Variants in TMEM132D observed in about 807,000 individuals in gnomAD.
The protein encoded by TMEM132D is mature OL transmembrane protein.
A neutral mutation model predicts 62.3 loss-of-function variants in TMEM132D; 21 were observed. That is an observed-to-expected ratio of 0.34 (90% CI 0.24 to 0.49). The LOEUF (loss-of-function observed/expected upper bound fraction) is 0.49, where lower values mean the gene tolerates loss of function less well. Among genes scored for constraint, TMEM132D ranks in the 20% least tolerant of loss-of-function variants. The pLI is 0.99. For missense variants in TMEM132D, 1,346 were observed against 1,402.8 expected (o/e 0.96, Z 0.65); for synonymous variants, 621 against 575.6 (o/e 1.08, Z -1.13).
At chr12:129,295,427 C>CTTTTTTT (rs556748373) in intron 4 of TMEM132D, among the ~76,000 whole-genome samples, 2 of 123,024 alleles carry the variant, frequency 1.6e-5, no homozygotes, top group Non-Finnish European at 3.3e-5. Context: ...TCATATTAGC[C>CTTTTTTT]TTTTTTTTTT....
At chr12:129,661,818 A>G (rs2137192268) in intron 2 of TMEM132D, among the ~76,000 whole-genome samples, 1 of 152,342 alleles carries the variant, frequency 6.6e-6, no homozygotes, top group South Asian at 2.1e-4. Context: ...GATTGGTCAG[A>G]CAACAAGATT....
chr12:129,418,394 G>T (rs1358540925), intron 3 of TMEM132D, among the ~76,000 whole-genome samples: 1 of 152,218 alleles, frequency 6.6e-6, no homozygotes, highest in Non-Finnish European at 1.5e-5. Context: ...AAAAGGATGA[G>T]TTCATGTCCT....
intron 7 of TMEM132D, among the ~76,000 whole-genome samples, chr12:129,079,620 TCTTTTC>T (rs941814627): frequency 6.6e-6 from 1 of 152,208 alleles, no homozygotes; most frequent in Non-Finnish European, 1.5e-5. Context: ...GACCTCTTTC[TCTTTTC>T]AAGTTTTTGG....
At chr12:129,679,201 G>A (rs981779743) in intron 2 of TMEM132D, among the ~76,000 whole-genome samples, 10 of 151,746 alleles carry the variant, frequency 6.6e-5, no homozygotes, top group Admixed American at 6.6e-4. Context: ...TGACACTTTT[G>A]TGTCATTATG....
intron 2 of TMEM132D, among the ~76,000 whole-genome samples, chr12:129,540,298 G>A (rs975751664): frequency 6.6e-6 from 1 of 152,114 alleles, no homozygotes; most frequent in Non-Finnish European, 1.5e-5. Flanking sequence ...ACACCAGCCA[G>A]GAGCTGTGCC....
intron 5 of TMEM132D, among the ~76,000 whole-genome samples, chr12:129,127,292 G>C (rs77600827): frequency 0.011 from 1,612 of 152,154 alleles, 28 homozygotes; most frequent in African/African-American, 0.036. Context: ...GGAACATTGC[G>C]CAAACAAACA....
At chr12:129,692,819 G>A (rs1337705166) in intron 2 of TMEM132D, among the ~76,000 whole-genome samples, 1 of 152,070 alleles carries the variant, frequency 6.6e-6, no homozygotes, top group Non-Finnish European at 1.5e-5. Context: ...GACACAGAGA[G>A]CGGAACAACA....
chr12:129,780,927 G>A (rs967083532), intron 1 of TMEM132D, among the ~76,000 whole-genome samples: 3 of 152,130 alleles, frequency 2.0e-5, no homozygotes, highest in Non-Finnish European at 2.9e-5. Flanking sequence ...AGGAACATTC[G>A]TAGTGAATTA....
rs76636184 is a variant in TMEM132D, at chr12:129,455,842, T to C, written c.1115+75217A>G. ...GTCTAATAAAAAGGAGGTTAAACTG[T>C]GTCCTCTGGGGAGCCAGAGAGTTTT... On this transcript the variant is annotated intron_variant, in intron 3 of 8. Transcript: ENST00000422113. Among the ~76,000 whole-genome samples, 10 of 152,336 alleles carry C rather than the reference T, an allele frequency of 6.6e-5. No homozygotes were observed. In the East Asian group the frequency reaches 1.7e-3, roughly 26 times the overall value.
intron 2 of TMEM132D, among the ~76,000 whole-genome samples, chr12:129,688,795 G>A (rs1462999198): frequency 6.6e-6 from 1 of 151,930 alleles, no homozygotes; most frequent in Non-Finnish European, 1.5e-5. Flanking sequence ...TAAATGATAT[G>A]TGCAATTTAA....
At chr12:129,823,711 A>C (rs768367290) in intron 1 of TMEM132D, among the ~76,000 whole-genome samples, 7 of 152,348 alleles carry the variant, frequency 4.6e-5, no homozygotes, top group African/African-American at 9.6e-5. Flanking sequence ...TAGAGGTGGA[A>C]GTGAGAACAA....
chr12:129,110,567 C>A (rs1470597483), intron 5 of TMEM132D: 2 of 152,088 alleles, frequency 1.3e-5, no homozygotes, highest in African/African-American at 4.8e-5. Flanking sequence ...GAAAACATAA[C>A]ACACTGCCCC....
At chr12:129,610,692 G>C (rs143494712) in intron 2 of TMEM132D, among the ~76,000 whole-genome samples, 15 of 152,032 alleles carry the variant, frequency 9.9e-5, no homozygotes, top group African/African-American at 3.1e-4. Flanking sequence ...GAATATGTGG[G>C]CTCTATTCCT....
Position 129,621,648 on chromosome 12 carries a change from C to CT in TMEM132D, c.968+78161dup, listed in dbSNP as rs1879072012. On this transcript the variant is annotated intron_variant, in intron 2 of 8. Transcript: ENST00000422113. ...GAGTGAGGCAGGTGGTGTCCCAGAG[C>CT]TTTAAAAGAGCGACATGTTAACTAT... Among the ~76,000 whole-genome samples, 4 of 152,188 alleles carry CT rather than the reference C, an allele frequency of 2.6e-5. No individual in the cohort carries two copies. The South Asian group carries it at 8.3e-4, about 32-fold the overall frequency.
intron 1 of TMEM132D, among the ~76,000 whole-genome samples, chr12:129,717,519 T>G (rs980528393): frequency 6.7e-6 from 1 of 149,470 alleles, no homozygotes; most frequent in African/African-American, 2.4e-5. Flanking sequence ...TAATAATATA[T>G]TTAATAAAAT....
At chr12:129,086,275 C>T (rs553642922) in intron 5 of TMEM132D, among the ~76,000 whole-genome samples, 29 of 151,840 alleles carry the variant, frequency 1.9e-4, no homozygotes, top group Non-Finnish European at 3.5e-4. Context: ...TTTAGGGCGT[C>T]CACATGGAGT....
intron 1 of TMEM132D, among the ~76,000 whole-genome samples, chr12:129,899,304 C>CATGGATGGATGG (rs61141755): frequency 2.4e-5 from 3 of 125,204 alleles, no homozygotes; most frequent in African/African-American, 3.5e-5. Context: ...TGGATGCATG[C>CATGGATGGATGG]ATGGATGGAT....
chr12:129,238,288 A>G (rs1290993109), intron 4 of TMEM132D, among the ~76,000 whole-genome samples: 1 of 152,242 alleles, frequency 6.6e-6, no homozygotes, highest in Non-Finnish European at 1.5e-5. Flanking sequence ...TCAATTTCCA[A>G]CTAAACTTTA....
chr12:129,733,730 G>A (rs981407104), intron 1 of TMEM132D, among the ~76,000 whole-genome samples: 1 of 152,108 alleles, frequency 6.6e-6, no homozygotes, highest in African/African-American at 2.4e-5. Flanking sequence ...AGACAGGTCG[G>A]GAGGCTGTCA....
Sources: allele counts gnomAD v4.1 joint callset (sites outside exome capture counted in the v4.1 genomes callset), GRCh38; gene constraint gnomAD v4.1.1; transcripts MANE v1.5; gene names NCBI Gene and HGNC (gene_info 2026-07-23, HGNC 2026-07-21).